ERLIN2: variants seen among roughly 807,000 people sequenced by gnomAD.
ERLIN2 encodes the protein erlin-2.
ERLIN2 carries 22 observed loss-of-function variants against 41.5 expected under a neutral mutation model. The observed-to-expected ratio is 0.53, with a 90% confidence interval of 0.38 to 0.76. ERLIN2 has a LOEUF of 0.76. Ranked by LOEUF, ERLIN2 falls within the 30% of genes least tolerant of loss-of-function variation. The probability of loss-of-function intolerance (pLI) is 0.00; values close to 1 mark genes in which losing one functional copy is unlikely to be tolerated. For synonymous variants in ERLIN2, 149 were observed against 150.9 expected (o/e 0.99, Z 0.09); for missense variants, 247 against 414.3 (o/e 0.60, Z 3.51).
chr8:37,737,814 T>C, intron 1 of ERLIN2, 94 bp from the exon 2 acceptor site: 2 of 1,495,642 alleles, frequency 1.3e-6, no homozygotes, highest in Middle Eastern at 2.3e-4. Context: ...TATGAGTCAC[T>C]CGCAGGGAGC....
chr8:37,751,583 C>CTCTGAAAT, intron 9 of ERLIN2, 43 bp from the exon 10 acceptor site: 1 of 1,541,190 alleles, frequency 6.5e-7, no homozygotes, highest in Non-Finnish European at 9.0e-7. Context: ...ATTAGTCAAA[C>CTCTGAAAT]TCTGAAATGC....
At chr8:37,753,811 AAGT>A in intron 11 of ERLIN2, 101 bp from the exon 12 acceptor site, 2 of 987,902 alleles carry the variant, frequency 2.0e-6, no homozygotes, top group Non-Finnish European at 3.1e-6. Context: ...AGACCACAAA[AAGT>A]AGGTAGGGGC....
chr8:37,749,254 TC>T (rs1451818865), intron 6 of ERLIN2, among the ~76,000 whole-genome samples: 1 of 152,210 alleles, frequency 6.6e-6, no homozygotes, highest in Non-Finnish European at 1.5e-5. Flanking sequence ...TGTTTGTTCT[TC>T]CTTTTTTTTC....
At position 37,754,862 on chromosome 8, in the gene ERLIN2, T is replaced by G. The variant is rs1803318818; in HGVS notation, c.*747T>G. The G allele has an allele frequency of 6.5e-6, 1 of 152,768 alleles. No homozygotes were observed. Among genetic ancestry groups the G allele is most frequent in the Non-Finnish European group, 1.5e-5 (1 of 68,380 alleles). The allele number at this position is 152,768 out of a possible 1,614,324, so 9.5% of individuals were successfully genotyped here. Reference sequence around the variant, plus strand: ...TTTTTTTTTTTCTTCTCAAAAATTCTGTTCATTGGTTCCACTCAGCATCAA... The same window carrying G: ...TTTTTTTTTTTCTTCTCAAAAATTCGGTTCATTGGTTCCACTCAGCATCAA... On this transcript the variant is annotated 3_prime_UTR_variant, in exon 12 of 12. Transcript: ENST00000519638.
Position 37,748,401 on chromosome 8 carries a change from T to C in ERLIN2, c.425-1158T>C, listed in dbSNP as rs75372559. 6.7e-4 allele frequency among the ~76,000 whole-genome samples: 102 copies of C among 152,340 alleles called. 1 individual carries two copies. Among genetic ancestry groups the C allele is most frequent in the Middle Eastern group, 3.4e-3 (1 of 294 alleles). On this transcript the variant is annotated intron_variant, in intron 6 of 11. Transcript: ENST00000519638. ...CCCTGGCAGGTGTGAGGTGCCGACT[T>C]GATGGCATTTCTCCTTCGGTGCTCA...
rs1563317284 is a variant in ERLIN2 at position 37,751,722 on chromosome 8, A to C, written c.739+7A>C. The C allele has an allele frequency of 3.1e-6, 5 of 1,610,294 alleles. No homozygotes were observed. In the African/African-American group the frequency reaches 6.7e-5, roughly 22 times the overall value. On this transcript the variant is annotated splice_region_variant and intron_variant, in intron 10 of 11. Coordinates refer to ENST00000519638, the MANE Select transcript of ERLIN2 (RefSeq NM_007175.8). The stretch of plus-strand genomic sequence containing the variant: ...AAGATTTCAGAAATTGAAGGTAAGC[A>C]GAAGTGGCAGTCATGCCTGAGTCCT...
intron 5 of ERLIN2, 39 bp from the exon 6 acceptor site, chr8:37,744,532 T>G: frequency 6.2e-7 from 1 of 1,614,020 alleles, no homozygotes. Flanking sequence ...ATTTTGAGTC[T>G]TGCCTTTTCT....
Position 37,741,783 on chromosome 8 carries a change from G to T in ERLIN2, c.201G>T (p.Gln67His), listed in dbSNP as rs773806807. The T allele has an allele frequency of 6.2e-7, 1 of 1,613,522 alleles. No individual in the cohort carries two copies. Among genetic ancestry groups the T allele is most frequent in the African/African-American group, 1.3e-5 (1 of 74,896 alleles). Residue 67 changes from glutamine to histidine, a missense_variant, in exon 4 of 12, where the codon CAG becomes CAT. Physicochemically the swap from Gln to His is conservative, Grantham distance 24. Transcript: ENST00000519638. The surrounding 1 kb of genome is among the most constrained non-coding windows in gnomAD (Gnocchi z 4.8). ...TCCTCTGTTTCCAGACCACACTCCA[G>T]ACAGATGAGGTGAAGAATGTACCTT... ...TSYKSVQTTL[Q>H]TDEVKNVPCG...
Position 37,749,814 on chromosome 8 carries a change from C to G in ERLIN2, c.519C>G (p.Pro173=). 6.2e-7 allele frequency: 1 copy of G among 1,614,164 alleles called. No individual in the cohort carries two copies. Among genetic ancestry groups the G allele is most frequent in the East Asian group, 2.2e-5 (1 of 44,880 alleles). Residue 173 remains proline, a synonymous_variant, in exon 8 of 12, where the codon CCC becomes CCG. Transcript: ENST00000519638. ...LVIQAVRVTK[P]NIPEAIRRNY... is the part of the protein sequence containing the mutation. ...TCCAGGCTGTGCGGGTAACAAAGCC[C>G]AACATACCAGAGGCAATCCGCAGAA...
At chr8:37,738,421 A>C (rs1162629492) in intron 2 of ERLIN2, among the ~76,000 whole-genome samples, 1 of 152,098 alleles carries the variant, frequency 6.6e-6, no homozygotes. Context: ...TGGCAGTCTT[A>C]GCTCTACACT....
chr8:37,746,141 C>T (rs770291903), intron 6 of ERLIN2: 24 of 992,678 alleles, frequency 2.4e-5, no homozygotes, highest in East Asian at 1.1e-4. Context: ...GCAAGCACTA[C>T]TTGGCTTAGA....
chr8:37,749,720 A>C (rs1373288006), intron 7 of ERLIN2, 74 bp from the exon 8 acceptor site: 2 of 1,559,652 alleles, frequency 1.3e-6, no homozygotes, highest in Non-Finnish European at 1.8e-6. Flanking sequence ...AGGAAGATCA[A>C]GGCCCAGTGG....
At chr8:37,743,786 T>A (rs1458931322) in intron 4 of ERLIN2, among the ~76,000 whole-genome samples, 1 of 152,166 alleles carries the variant, frequency 6.6e-6, no homozygotes, top group Non-Finnish European at 1.5e-5. Flanking sequence ...TGCAGCTTAC[T>A]TTGAAATGTT....
chr8:37,740,509 A>C (rs1471450240), intron 3 of ERLIN2, 63 bp downstream of exon 3: 2 of 1,136,376 alleles, frequency 1.8e-6, no homozygotes, highest in Non-Finnish European at 2.6e-6. Context: ...CTAGTGCATG[A>C]TTTGAAATTA....
Position 37,754,150 on chromosome 8 carries a change from C to A in ERLIN2, c.*35C>A. On this transcript the variant is annotated 3_prime_UTR_variant, in exon 12 of 12. Coordinates refer to ENST00000519638, the MANE Select transcript of ERLIN2 (RefSeq NM_007175.8). ...GATATGACTGCAAATGATACTTAAG[C>A]AGATCTTTATTTTTTAAGATGAATC... 1 of 1,440,556 alleles carries A rather than the reference C, an allele frequency of 6.9e-7. No homozygotes were observed. The highest frequency in any genetic ancestry group is 9.7e-7 in the Non-Finnish European group (1 of 1,025,642). 89.2% of individuals were successfully genotyped at this position (1,440,556 alleles called of 1,614,324 possible).
At chr8:37,747,503 C>G (rs1360340963) in intron 6 of ERLIN2, 1 of 1,612,358 alleles carries the variant, frequency 6.2e-7, no homozygotes, top group African/African-American at 1.3e-5. Flanking sequence ...GCCTCAATCT[C>G]CTCTTCCTCT....
rs1803188235 is a variant in ERLIN2 at position 37,750,296 on chromosome 8, G to A, written c.558-99G>A. On this transcript the variant is annotated intron_variant, in intron 8 of 11. Coordinates refer to ENST00000519638, the MANE Select transcript of ERLIN2 (RefSeq NM_007175.8). ...CAGCCTTCCAGGAGGAGTAGGAAATGGGAGTTTGCCTCTCTTCAGCAGAAG... is the reference window on the plus strand; with the variant it reads ...CAGCCTTCCAGGAGGAGTAGGAAATAGGAGTTTGCCTCTCTTCAGCAGAAG... The A allele has an allele frequency of 4.2e-5, 37 of 886,226 alleles. 1 individual carries two copies. In the South Asian group the frequency reaches 4.9e-4, roughly 12 times the overall value. 54.9% of individuals were successfully genotyped at this position (886,226 alleles called of 1,614,324 possible).
intron 6 of ERLIN2, chr8:37,747,871 AACTG>A (rs750458854): frequency 1.2e-6 from 2 of 1,613,792 alleles, no homozygotes. Flanking sequence ...CAATTTCTCT[AACTG>A]ACAGTCCAGC....
chr8:37,748,592 G>A (rs764799455), intron 6 of ERLIN2, among the ~76,000 whole-genome samples: 4 of 152,206 alleles, frequency 2.6e-5, no homozygotes, highest in Admixed American at 6.5e-5. Context: ...GTGAAAGAGC[G>A]GAGACTTTCT....
Sources: gnomAD v4.1 joint callset for allele counts (sites outside exome capture counted in the v4.1 genomes callset) on GRCh38, gnomAD v4.1.1 for gene constraint, Gnocchi (gnomAD v3.1) non-coding constraint, MANE v1.5 for transcripts, NCBI Gene and HGNC (gene_info 2026-07-23, HGNC 2026-07-21) for gene names.